The following KIAA1143 variants were observed in gnomAD, a reference collection of about 807,000 sequenced individuals.
The protein encoded by KIAA1143 is uncharacterized protein KIAA1143.
KIAA1143 carries 8 observed loss-of-function variants against 17.0 expected under a neutral mutation model. The ratio of observed to expected loss-of-function variants is 0.47; its 90% CI spans 0.28 to 0.85. KIAA1143 has a LOEUF of 0.85. Ranked by LOEUF, KIAA1143 falls within the 40% of genes least tolerant of loss-of-function variation. The pLI is 0.12. For missense variants in KIAA1143, 162 were observed against 183.3 expected, an observed-to-expected ratio of 0.88 and a Z score of 0.67; for synonymous variants, 64 against 67.8, an observed-to-expected ratio of 0.94 and a Z score of 0.27.
intron 1 of KIAA1143, among the ~76,000 whole-genome samples, chr3:44,754,740 A>T (rs939055478): frequency 5.3e-5 from 8 of 152,172 alleles, no homozygotes; most frequent in Admixed American, 3.3e-4. Context: ...TCTGAGTTAG[A>T]CAAGAAATAA....
In KIAA1143 at chr3:44,761,593, G is replaced by A. The variant is rs150764403; in HGVS notation, c.10C>T (p.Arg4Trp). Residue 4 changes from arginine (R) to tryptophan (W), a missense_variant, in exon 1 of 3, where the codon CGG (arginine) becomes TGG (tryptophan). By Grantham distance (101) the Arg-to-Trp change is moderately radical (BLOSUM62 -3). This residue lies in a region of KIAA1143 where 137 missense variants were observed against 132.5 expected (regional missense o/e 1.03). Transcript: ENST00000296121. ...GGCCGCACGTACGATACCTGGTTCCGCTTGCTCATGGTAGCTCTGGGTAAA... is the reference window on the plus strand; with the variant it reads ...GGCCGCACGTACGATACCTGGTTCCACTTGCTCATGGTAGCTCTGGGTAAA... The part of the protein sequence containing the change: MSK[R>W]NQVSYVRPAE... 38 of 1,606,526 alleles carry A rather than the reference G, an allele frequency of 2.4e-5. 1 individual carries two copies. Among genetic ancestry groups the A allele is most frequent in the Non-Finnish European group, 3.1e-5 (36 of 1,178,450 alleles).
intron 1 of KIAA1143, among the ~76,000 whole-genome samples, chr3:44,754,926 C>G (rs1040010325): frequency 1.3e-5 from 2 of 152,160 alleles, no homozygotes; most frequent in East Asian, 3.8e-4. Flanking sequence ...TGTACTTATT[C>G]CTGTGACTTG....
At chr3:44,757,639 A>G (rs892552327) in intron 1 of KIAA1143, among the ~76,000 whole-genome samples, 1 of 152,256 alleles carries the variant, frequency 6.6e-6, no homozygotes, top group Non-Finnish European at 1.5e-5. Context: ...CAGGAAAGCA[A>G]GTAGTTGCAA....
Position 44,753,572 on chromosome 3 carries a change from T to G in KIAA1143, c.254-20A>C. ...CTTCATCTGAGCAAAAACAGAATTT[T>G]TAAGAACTTTCTTCTCCTCATTATT... On this transcript the variant is annotated intron_variant, in intron 2 of 2. Coordinates refer to ENST00000296121, the MANE Select transcript of KIAA1143 (RefSeq NM_020696.4). The G allele has an allele frequency of 1.9e-6, 3 of 1,592,320 alleles. No individual in the cohort carries two copies. The highest frequency in any genetic ancestry group is 2.6e-6 in the Non-Finnish European group (3 of 1,168,886).
intron 2 of KIAA1143, 46 bp from the exon 3 acceptor site, chr3:44,753,598 T>C: frequency 6.4e-7 from 1 of 1,569,522 alleles, no homozygotes; most frequent in Non-Finnish European, 8.7e-7. Context: ...CCTCATTATT[T>C]TGCCTTTACC....
In KIAA1143 at chr3:44,752,572, A is replaced by G. The variant is rs1332303615; in HGVS notation, c.*769T>C. 6.6e-6 allele frequency: 1 copy of G among 152,014 alleles called. No homozygotes were observed. The highest frequency in any genetic ancestry group is 2.4e-5 in the African/African-American group (1 of 41,408). 9.4% of individuals were successfully genotyped at this position (152,014 alleles called of 1,614,324 possible). On this transcript the variant is annotated 3_prime_UTR_variant, in exon 3 of 3. Transcript: ENST00000296121. ...AGAGGTCAGCAATCCAAGCTGGTGT[A>G]GCAGCTCCTCCAGGCATGTCAGCAA...
At chr3:44,755,859 A>G (rs1308852658) in intron 1 of KIAA1143, among the ~76,000 whole-genome samples, 8 of 152,366 alleles carry the variant, frequency 5.3e-5, no homozygotes, top group African/African-American at 2.4e-5. Flanking sequence ...TGATCTACTC[A>G]TGAATGACCA....
At chr3:44,758,483 G>C (rs1208794376) in intron 1 of KIAA1143, among the ~76,000 whole-genome samples, 3 of 152,186 alleles carry the variant, frequency 2.0e-5, no homozygotes, top group Non-Finnish European at 4.4e-5. Context: ...ATCTTCACCA[G>C]AAGTAGATTC....
At chr3:44,760,537 C>G (rs1352979154) in intron 1 of KIAA1143, among the ~76,000 whole-genome samples, 1 of 151,586 alleles carries the variant, frequency 6.6e-6, no homozygotes, top group Non-Finnish European at 1.5e-5. Context: ...CTACAGGCGC[C>G]CGCCACCATG....
chr3:44,759,997 A>G (rs899240299), intron 1 of KIAA1143, among the ~76,000 whole-genome samples: 3 of 151,056 alleles, frequency 2.0e-5, no homozygotes, highest in African/African-American at 4.9e-5. Flanking sequence ...TTCATCAACT[A>G]TCTTAGCTAG....
intron 1 of KIAA1143, among the ~76,000 whole-genome samples, chr3:44,759,894 C>CACAAAAAAAAAAAAAA (rs1705039709): frequency 2.0e-5 from 1 of 51,102 alleles, no homozygotes; most frequent in Admixed American, 2.7e-4. Context: ...GACCCTATCT[C>CACAAAAAAAAAAAAAA]AAAAAAAAAA....
chr3:44,752,161 G>T lies in KIAA1143; in HGVS notation c.*1180C>A, dbSNP rs1285264730. The T allele has an allele frequency of 1.3e-5, 2 of 152,204 alleles. No individual in the cohort carries two copies. Among genetic ancestry groups the T allele is most frequent in the African/African-American group, 2.4e-5 (1 of 41,448 alleles). 9.4% of individuals were successfully genotyped at this position (152,204 alleles called of 1,614,324 possible). A position where few individuals can be genotyped will look rare whatever the true frequency, so the allele number is the denominator to read the frequency against. On this transcript the variant is annotated 3_prime_UTR_variant, in exon 3 of 3. Coordinates refer to ENST00000296121, the MANE Select transcript of KIAA1143 (RefSeq NM_020696.4). ...CTTTTCTGCATTGCAGATGAAAAAT[G>T]AAAGTGCCTCTGATTGGTCCCCTCC...
chr3:44,755,243 AT>A (rs1243287006), intron 1 of KIAA1143, among the ~76,000 whole-genome samples: 1 of 152,034 alleles, frequency 6.6e-6, no homozygotes, highest in African/African-American at 2.4e-5. Context: ...TCGTTTCCAG[AT>A]TTTTTTCTAC....
At position 44,753,378 on chromosome 3, in the gene KIAA1143, C is replaced by T. The variant is rs201279714; in HGVS notation, c.428G>A (p.Ser143Asn). The change falls in exon 3 of 3, where the codon AGC becomes AAC. Residue 143 changes from serine (S) to asparagine (N), a missense_variant. Around this residue, in one of 2 missense-constraint regions of KIAA1143, gnomAD observed 25 missense variants for 50.8 expected, o/e 0.49. Transcript: ENST00000296121. The stretch of plus-strand genomic sequence containing the variant: ...ATCTTCGTTGTCAAAAGAAAGGAGG[C>T]TACTATTTTTAATTTGTTTTTGTGA... ...KNSQKQIKNSSLLSFDNEDEN... is the reference protein window; with the variant it reads ...KNSQKQIKNSNLLSFDNEDEN... The T allele has an allele frequency of 7.0e-5, 112 of 1,601,110 alleles. No homozygotes were observed. In the Admixed American group the frequency reaches 7.7e-4, roughly 11 times the overall value.
At chr3:44,757,321 T>C (rs1003607679) in intron 1 of KIAA1143, among the ~76,000 whole-genome samples, 2 of 152,180 alleles carry the variant, frequency 1.3e-5, no homozygotes, top group African/African-American at 4.8e-5. Context: ...GGCTCCCTGT[T>C]GCTTACTAAA....
At chr3:44,755,062 G>A (rs1371103151) in intron 1 of KIAA1143, among the ~76,000 whole-genome samples, 1 of 152,102 alleles carries the variant, frequency 6.6e-6, no homozygotes, top group African/African-American at 2.4e-5. Context: ...TTTTTGAAAT[G>A]TGAGACACCG....
chr3:44,759,079 G>A (rs969031762), intron 1 of KIAA1143, among the ~76,000 whole-genome samples: 2 of 152,068 alleles, frequency 1.3e-5, no homozygotes, highest in Admixed American at 1.3e-4. Context: ...GGCCAGGCTG[G>A]TCTTGAACTC....
rs527806223 is a variant in KIAA1143, at chr3:44,759,894, C to CAAAA, written c.108+1597_108+1600dup. The stretch of plus-strand genomic sequence containing the variant: ...TGGGCGACAGAGTGAGACCCTATCT[C>CAAAA]AAAAAAAAAAAAAAAAAAAAAGTCC... On this transcript the variant is annotated intron_variant, in intron 1 of 2. Coordinates refer to ENST00000296121, the MANE Select transcript of KIAA1143 (RefSeq NM_020696.4). Among the ~76,000 whole-genome samples the CAAAA allele has an allele frequency of 1.9e-3, 99 of 51,084 alleles. 2 individuals carry two copies. Among genetic ancestry groups the CAAAA allele is most frequent in the East Asian group, 4.0e-3 (5 of 1,250 alleles). The allele number at this position is 51,084 out of a possible 152,430, so 33.5% of individuals were successfully genotyped here.
chr3:44,759,070 G>C (rs556063297), intron 1 of KIAA1143, among the ~76,000 whole-genome samples: 3 of 152,122 alleles, frequency 2.0e-5, no homozygotes, highest in Admixed American at 6.5e-5. Flanking sequence ...CACCATGTTG[G>C]CCAGGCTGGT....
Sources: gnomAD v4.1 joint callset for allele counts (sites outside exome capture counted in the v4.1 genomes callset) on GRCh38, gnomAD v4.1.1 for gene constraint, gnomAD v4.1.1 regional missense constraint, MANE v1.5 for transcripts, NCBI Gene and HGNC (gene_info 2026-07-23, HGNC 2026-07-21) for gene names.